The following KDM4C variants were observed in gnomAD, a reference collection of about 807,000 sequenced individuals.
The protein encoded by KDM4C is lysine demethylase 4C.
KDM4C carries 81 observed loss-of-function variants against 129.3 expected under a neutral mutation model. That is an observed-to-expected ratio of 0.63 (90% CI 0.52 to 0.75). KDM4C has a LOEUF of 0.75. Among genes scored for constraint, KDM4C ranks in the 30% least tolerant of loss-of-function variants. The pLI is 0.00. For synonymous variants in KDM4C, 573 were observed against 456.1 expected (o/e 1.26, Z -3.26); for missense variants, 1,457 against 1,304.0 (o/e 1.12, Z -1.81).
At chr9:6,781,899 C>G (rs1284850846) in intron 1 of KDM4C, among the ~76,000 whole-genome samples, 1 of 151,732 alleles carries the variant, frequency 6.6e-6, no homozygotes, top group Non-Finnish European at 1.5e-5. Flanking sequence ...TCTCGGCTCA[C>G]CTGCAGTCTC....
intron 18 of KDM4C, chr9:7,127,767 G>A (rs776652670): frequency 1.4e-5 from 3 of 207,004 alleles, no homozygotes; most frequent in Non-Finnish European, 2.9e-5. Context: ...ACACATACAC[G>A]TGTGTATATA....
chr9:6,752,824 T>C (rs530969916), upstream of KDM4C, among the ~76,000 whole-genome samples: 114 of 152,266 alleles, frequency 7.5e-4, no homozygotes, highest in African/African-American at 2.7e-3. Flanking sequence ...AGAGACTTTA[T>C]AAAAATAGCA....
At chr9:6,939,954 T>TAACC (rs146822321) in intron 8 of KDM4C, among the ~76,000 whole-genome samples, 10 of 103,700 alleles carry the variant, frequency 9.6e-5, no homozygotes, top group Non-Finnish European at 1.2e-4. Flanking sequence ...TTAAATCCAA[T>TAACC]AACCAACCTA....
At chr9:6,802,512 C>G (rs984597091) in intron 2 of KDM4C, among the ~76,000 whole-genome samples, 1 of 152,162 alleles carries the variant, frequency 6.6e-6, no homozygotes. Context: ...TAGAAAAAGC[C>G]ACATGCCCAT....
In KDM4C at chr9:7,016,514, C is replaced by T. The variant is rs144327627; in HGVS notation, c.2259+585C>T. Among the ~76,000 whole-genome samples the T allele has an allele frequency of 3.3e-3, 502 of 151,178 alleles. 6 individuals carry two copies. In the East Asian group the frequency reaches 0.049, roughly 15 times the overall value. On this transcript the variant is annotated intron_variant, in intron 15 of 21. Coordinates refer to ENST00000381309, the MANE Select transcript of KDM4C (RefSeq NM_015061.6). The stretch of plus-strand genomic sequence containing the variant: ...TGAGCTCAGCTCATTGCAACCTCCG[C>T]CTCCCAGGTTAAGCAATTCTCCAGT...
intron 17 of KDM4C, among the ~76,000 whole-genome samples, chr9:7,063,553 A>G (rs564201028): frequency 1.3e-4 from 20 of 152,338 alleles, no homozygotes; most frequent in African/African-American, 4.3e-4. Flanking sequence ...AGGACTTAAT[A>G]TGTAGTTAGG....
rs1203628922 is a variant in KDM4C, at chr9:7,011,771, T to G, written c.1860T>G (p.Leu620=). The change falls in exon 13 of 22, where the codon CTT becomes CTG. Residue 620 remains leucine, a synonymous_variant. Coordinates refer to ENST00000381309, the MANE Select transcript of KDM4C (RefSeq NM_015061.6). ...TESWAKPLIH[L]WQTKSPNFAA... ...CTTGGGCGAAACCTCTCATCCACCT[T>G]TGGCAGACGAAGTCCCCTAACTTCG... 1 of 1,614,022 alleles carries G rather than the reference T, an allele frequency of 6.2e-7. No homozygotes were observed. The highest frequency in any genetic ancestry group is 1.7e-5 in the Admixed American group (1 of 60,002).
At chr9:6,720,993 T>C (rs889309226) in exon 1 of KDM4C, 2 of 1,550,984 alleles carry the variant, frequency 1.3e-6, no homozygotes, top group African/African-American at 2.7e-5. Flanking sequence ...AAGAAGCAGC[T>C]GCAGGTGAGT....
intron 20 of KDM4C, among the ~76,000 whole-genome samples, chr9:7,168,292 G>T (rs1452574279): frequency 1.3e-5 from 2 of 151,708 alleles, no homozygotes; most frequent in African/African-American, 2.4e-5. Context: ...CTTACCTTTT[G>T]ACTAGAAGTA....
upstream of KDM4C, among the ~76,000 whole-genome samples, chr9:6,756,406 A>G (rs114413193): frequency 1.9e-3 from 294 of 152,298 alleles, 3 homozygotes; most frequent in African/African-American, 6.7e-3. Context: ...CCAGTTGAGT[A>G]TACGTTAGCC....
At chr9:6,854,525 C>CAAAAAAAAA (rs1177446839) in intron 5 of KDM4C, among the ~76,000 whole-genome samples, 66 of 41,298 alleles carry the variant, frequency 1.6e-3, no homozygotes, top group East Asian at 3.2e-3. Context: ...AACTCCGTCT[C>CAAAAAAAAA]AAAAAAAAAA....
chr9:6,973,403 C>T (rs569403684), intron 8 of KDM4C, among the ~76,000 whole-genome samples: 1 of 152,136 alleles, frequency 6.6e-6, no homozygotes, highest in African/African-American at 2.4e-5. Flanking sequence ...CTCTCTTGGT[C>T]TAGTTAGCTT....
intron 8 of KDM4C, among the ~76,000 whole-genome samples, chr9:6,915,190 C>G (rs1281222008): frequency 1.3e-5 from 2 of 151,988 alleles, no homozygotes; most frequent in Non-Finnish European, 2.9e-5. Flanking sequence ...TGCAGCTCAC[C>G]CTATATTGTC....
chr9:6,850,145 A>T (rs1185549065), intron 5 of KDM4C, among the ~76,000 whole-genome samples: 4 of 152,154 alleles, frequency 2.6e-5, no homozygotes, highest in African/African-American at 9.7e-5. Context: ...CACTATCTAG[A>T]TTTGTGTAAG....
chr9:6,799,893 C>T (rs565497665), intron 2 of KDM4C, among the ~76,000 whole-genome samples: 1 of 151,810 alleles, frequency 6.6e-6, no homozygotes, highest in Non-Finnish European at 1.5e-5. Flanking sequence ...TAAGGTTATT[C>T]ATATTCATAT....
At chr9:7,075,944 C>T (rs1479569617) in intron 17 of KDM4C, among the ~76,000 whole-genome samples, 1 of 151,756 alleles carries the variant, frequency 6.6e-6, no homozygotes. Flanking sequence ...TTAGTTTATT[C>T]TCAAAGTAGG....
At chr9:7,079,160 C>T (rs1834250082) in intron 17 of KDM4C, among the ~76,000 whole-genome samples, 1 of 152,162 alleles carries the variant, frequency 6.6e-6, no homozygotes, top group African/African-American at 2.4e-5. Context: ...ACCTTGGAAG[C>T]AGAACTTTCA....
rs140187091 is a variant in KDM4C, at chr9:6,801,527, G to A, written c.145-4072G>A. Among the ~76,000 whole-genome samples the A allele has an allele frequency of 1.7e-3, 260 of 151,062 alleles. 2 individuals carry two copies. The highest frequency in any genetic ancestry group is 3.1e-3 in the Non-Finnish European group (212 of 67,792). The stretch of plus-strand genomic sequence containing the variant: ...GCTGGGATTACAGGCGTGAGCTACC[G>A]TGCCCAGCCTGACCTTGTCTCTTAA... On this transcript the variant is annotated intron_variant, in intron 2 of 21. Transcript: ENST00000381309.
At chr9:6,839,159 C>G (rs1013516392) in intron 4 of KDM4C, among the ~76,000 whole-genome samples, 16 of 152,102 alleles carry the variant, frequency 1.1e-4, no homozygotes, top group African/African-American at 3.6e-4. Context: ...AAGACAAAGT[C>G]TTCTAATGTG....
Sources: gnomAD v4.1 joint callset for allele counts (sites outside exome capture counted in the v4.1 genomes callset) on GRCh38, gnomAD v4.1.1 for gene constraint, MANE v1.5 for transcripts, NCBI Gene and HGNC (gene_info 2026-07-23, HGNC 2026-07-21) for gene names.